Variants in DIP2C observed in about 807,000 individuals in gnomAD.
DIP2C encodes the protein disco-interacting protein 2 homolog C.
A neutral mutation model predicts 192.4 loss-of-function variants in DIP2C; 33 were observed. That is an observed-to-expected ratio of 0.17 (90% CI 0.13 to 0.23). The LOEUF is 0.23. Among genes scored for constraint, DIP2C ranks in the 10% least tolerant of loss-of-function variants. The pLI is 1.00. For synonymous variants in DIP2C, 979 were observed against 864.1 expected, an observed-to-expected ratio of 1.13 and a Z score of -2.33; for missense variants, 1,537 against 2,110.1, an observed-to-expected ratio of 0.73 and a Z score of 5.32.
At chr10:672,238 G>A (rs1375452181) in intron 1 of DIP2C, among the ~76,000 whole-genome samples, 9 of 150,950 alleles carry the variant, frequency 6.0e-5, no homozygotes, top group Non-Finnish European at 1.0e-4. Context: ...AAACACCACA[G>A]ATGCACGGAT....
intron 18 of DIP2C, among the ~76,000 whole-genome samples, chr10:366,910 G>T (rs1290343797): frequency 1.3e-5 from 2 of 152,160 alleles, no homozygotes; most frequent in Non-Finnish European, 2.9e-5. Context: ...ACTGGTCTGT[G>T]CCACCAACAC....
chr10:405,333 C>A (rs913024783), intron 9 of DIP2C, among the ~76,000 whole-genome samples: 1 of 152,170 alleles, frequency 6.6e-6, no homozygotes, highest in South Asian at 2.1e-4. Flanking sequence ...AGAGTTAATG[C>A]TGAAAATTTC....
intron 1 of DIP2C, among the ~76,000 whole-genome samples, chr10:539,296 C>T (rs1158252065): frequency 6.6e-6 from 1 of 152,190 alleles, no homozygotes; most frequent in Admixed American, 6.5e-5. Flanking sequence ...ATTCAACCAA[C>T]TATAGATCAA....
chr10:480,717 G>A (rs756935001), intron 2 of DIP2C, among the ~76,000 whole-genome samples: 1 of 152,228 alleles, frequency 6.6e-6, no homozygotes, highest in South Asian at 2.1e-4. Flanking sequence ...TTCATTAAAT[G>A]TTGCTGAAAA....
chr10:490,407 C>T (rs1301193440), intron 1 of DIP2C, among the ~76,000 whole-genome samples: 1 of 152,248 alleles, frequency 6.6e-6, no homozygotes. Flanking sequence ...TCTGTTATCC[C>T]GCTAGGCGTA....
chr10:576,734 C>G (rs1850185683), intron 1 of DIP2C, among the ~76,000 whole-genome samples: 1 of 152,032 alleles, frequency 6.6e-6, no homozygotes. Flanking sequence ...ATGGCAAAAC[C>G]CCATCTCGAC....
intron 1 of DIP2C, among the ~76,000 whole-genome samples, chr10:658,676 T>C (rs1235291716): frequency 6.6e-6 from 1 of 152,246 alleles, no homozygotes; most frequent in Non-Finnish European, 1.5e-5. Context: ...TTATGTTTCA[T>C]GTGCAGGAAA....
intron 3 of DIP2C, among the ~76,000 whole-genome samples, chr10:466,050 T>C (rs1970172619): frequency 6.6e-6 from 1 of 150,574 alleles, no homozygotes; most frequent in African/African-American, 2.4e-5. Context: ...TTAAAGTTCA[T>C]ATGGAACCAA....
intron 1 of DIP2C, chr10:665,760 C>T (rs1857051262): frequency 6.6e-6 from 1 of 152,124 alleles, no homozygotes; most frequent in South Asian, 2.1e-4. Context: ...AGCCGCTTTC[C>T]CAAAACAAAA....
At chr10:555,767 G>T (rs900099274) in intron 1 of DIP2C, among the ~76,000 whole-genome samples, 4 of 152,144 alleles carry the variant, frequency 2.6e-5, no homozygotes, top group Admixed American at 6.5e-5. Context: ...TAGCTCTGCT[G>T]TAAGCCCACT....
At position 351,002 on chromosome 10, in the gene DIP2C, AGC is replaced by A. The variant is rs370500706; in HGVS notation, c.2986-1550_2986-1549del. On this transcript the variant is annotated intron_variant, in intron 24 of 36. Coordinates refer to ENST00000280886, the MANE Select transcript of DIP2C (RefSeq NM_014974.3). ...GATGAATGCATGAGTGTAGGGATGG[AGC>A]GCGCGGCGGGCCTGGCAAGGCTGTC... Among the ~76,000 whole-genome samples the A allele has an allele frequency of 1.6e-3, 247 of 151,952 alleles. 9 individuals are homozygous for A. In the South Asian group the frequency reaches 0.05, roughly 31 times the overall value.
At position 602,537 on chromosome 10, in the gene DIP2C, C is replaced by A. The variant is rs539826991; in HGVS notation, c.85+86957G>T. ...GAAGGCCTGAAGGAGCCCTCCTGCT[C>A]CTCCGCCACGTGAGGCCCAGTGAGA... On this transcript the variant is annotated intron_variant, in intron 1 of 36. Coordinates refer to ENST00000280886, the MANE Select transcript of DIP2C (RefSeq NM_014974.3). Among the ~76,000 whole-genome samples, 7 of 152,322 alleles carry A rather than the reference C, an allele frequency of 4.6e-5. No individual in the cohort carries two copies. The South Asian group carries it at 1.0e-3, about 23-fold the overall frequency.
intron 1 of DIP2C, among the ~76,000 whole-genome samples, chr10:569,839 C>G (rs1477034456): frequency 3.3e-5 from 5 of 152,142 alleles, no homozygotes; most frequent in African/African-American, 1.2e-4. Flanking sequence ...CAATTCTACC[C>G]TCGCACACCT....
chr10:419,979 C>A (rs1366156925), intron 5 of DIP2C, among the ~76,000 whole-genome samples: 1 of 152,190 alleles, frequency 6.6e-6, no homozygotes, highest in African/African-American at 2.4e-5. Context: ...GCCAAGCAGC[C>A]CACTGATGAC....
intron 16 of DIP2C, 57 bp downstream of exon 16, chr10:383,963 GAAAAAAA>G (rs5782550): frequency 1.7e-6 from 2 of 1,179,578 alleles, no homozygotes; most frequent in Admixed American, 8.6e-5. Context: ...CCTGCCTCAC[GAAAAAAA>G]AAAAAAAAAG....
intron 31 of DIP2C, among the ~76,000 whole-genome samples, chr10:310,311 A>G (rs1956515286): frequency 6.6e-6 from 1 of 152,256 alleles, no homozygotes. Flanking sequence ...GGATTCACAC[A>G]GCTTGACCGC....
At chr10:312,086 T>C (rs1242850840) in intron 31 of DIP2C, among the ~76,000 whole-genome samples, 1 of 152,168 alleles carries the variant, frequency 6.6e-6, no homozygotes, top group Non-Finnish European at 1.5e-5. Flanking sequence ...CCAACATGCA[T>C]CTGAAGCCTG....
chr10:370,462 C>T (rs868649680), intron 17 of DIP2C, among the ~76,000 whole-genome samples: 1 of 152,182 alleles, frequency 6.6e-6, no homozygotes. Flanking sequence ...AGAAAACACC[C>T]CCCACCCAGT....
chr10:374,441 G>A (rs1172434564), intron 17 of DIP2C, among the ~76,000 whole-genome samples: 1 of 152,194 alleles, frequency 6.6e-6, no homozygotes, highest in African/African-American at 2.4e-5. Flanking sequence ...ATTCTGCACA[G>A]CAACCCTGTG....
Sources: allele counts gnomAD v4.1 joint callset (sites outside exome capture counted in the v4.1 genomes callset), GRCh38; gene constraint gnomAD v4.1.1; transcripts MANE v1.5; gene names NCBI Gene and HGNC (gene_info 2026-07-23, HGNC 2026-07-21).